Variants in PAG1 observed in about 807,000 individuals in gnomAD.
PAG1 encodes the protein phosphoprotein membrane anchor with glycosphingolipid microdomains 1, also known as phosphoprotein associated with glycosphingolipid-enriched microdomains 1.
A neutral mutation model predicts 31.7 loss-of-function variants in PAG1; 23 were observed. The ratio of observed to expected loss-of-function variants is 0.73; its 90% CI spans 0.52 to 1.03. The LOEUF is 1.03. Ranked by LOEUF, PAG1 falls within the 50% of genes least tolerant of loss-of-function variation. PAG1 has a pLI of 0.00. For missense variants in PAG1, 473 were observed against 540.7 expected (o/e 0.87, Z 1.24); for synonymous variants, 214 against 210.3 (o/e 1.02, Z -0.15).
chr8:81,051,772 A>G (rs144839331), intron 2 of PAG1, among the ~76,000 whole-genome samples: 218 of 152,296 alleles, frequency 1.4e-3, no homozygotes, highest in South Asian at 0.012. Flanking sequence ...GTCATGTGCC[A>G]TTTTCAGTTA....
chr8:81,005,353 C>A (rs1211445338), intron 3 of PAG1, among the ~76,000 whole-genome samples: 1 of 152,132 alleles, frequency 6.6e-6, no homozygotes, highest in African/African-American at 2.4e-5. Context: ...TCCCTCTCCT[C>A]CATTCTCCAA....
intron 1 of PAG1, among the ~76,000 whole-genome samples, chr8:81,107,894 G>A (rs1374845957): frequency 2.6e-5 from 4 of 152,158 alleles, no homozygotes; most frequent in Non-Finnish European, 5.9e-5. Flanking sequence ...AGGAGCTCTG[G>A]AACTATCAGC....
At chr8:81,023,563 C>T (rs1808223664) in intron 3 of PAG1, among the ~76,000 whole-genome samples, 1 of 151,302 alleles carries the variant, frequency 6.6e-6, no homozygotes, top group Non-Finnish European at 1.5e-5. Context: ...TTTCATTTGA[C>T]TCTGTTGTCA....
At chr8:81,100,488 T>A (rs1039526402) in intron 1 of PAG1, among the ~76,000 whole-genome samples, 39 of 152,210 alleles carry the variant, frequency 2.6e-4, no homozygotes, top group African/African-American at 8.4e-4. Flanking sequence ...TATAGCAGCA[T>A]CCCTGGCCTC....
At chr8:81,005,981 C>T (rs1807869634) in intron 3 of PAG1, among the ~76,000 whole-genome samples, 2 of 152,130 alleles carry the variant, frequency 1.3e-5, no homozygotes. Flanking sequence ...CTTGCTCTGT[C>T]GCCCAGGCTG....
chr8:80,992,156 G>A (rs368117938), intron 4 of PAG1, among the ~76,000 whole-genome samples: 2 of 148,980 alleles, frequency 1.3e-5, no homozygotes, highest in Non-Finnish European at 3.0e-5. Context: ...GAAGCAGGCC[G>A]TCCAGGCCCC....
intron 2 of PAG1, among the ~76,000 whole-genome samples, chr8:81,052,033 G>A (rs1198603908): frequency 2.6e-5 from 4 of 151,840 alleles, no homozygotes; most frequent in Non-Finnish European, 5.9e-5. Context: ...GGGAGGCTGA[G>A]GCAGGAGAAT....
chr8:81,059,542 C>G (rs1360797376), intron 2 of PAG1, among the ~76,000 whole-genome samples: 1 of 152,084 alleles, frequency 6.6e-6, no homozygotes, highest in Non-Finnish European at 1.5e-5. Flanking sequence ...TAGGTGCCAA[C>G]AGGATCTTGG....
At chr8:81,005,717 G>A (rs1807863646) in intron 3 of PAG1, among the ~76,000 whole-genome samples, 1 of 152,138 alleles carries the variant, frequency 6.6e-6, no homozygotes, top group South Asian at 2.1e-4. Context: ...CTGTATCAGA[G>A]CGCGTGTCCT....
intron 3 of PAG1, among the ~76,000 whole-genome samples, chr8:81,006,854 C>T (rs969264716): frequency 6.6e-6 from 1 of 152,096 alleles, no homozygotes. Flanking sequence ...TTTGGAGAGG[C>T]CTTAGAATAT....
At chr8:80,989,364 A>T (rs1280980205) in intron 5 of PAG1, among the ~76,000 whole-genome samples, 1 of 152,220 alleles carries the variant, frequency 6.6e-6, no homozygotes, top group Non-Finnish European at 1.5e-5. Context: ...TCACAGCTGA[A>T]GTTACCATAA....
At chr8:81,005,735 C>T (rs562497912) in intron 3 of PAG1, among the ~76,000 whole-genome samples, 1 of 152,150 alleles carries the variant, frequency 6.6e-6, no homozygotes. Flanking sequence ...CCTGCAGGTC[C>T]GTTCAGCACA....
At chr8:81,007,493 C>A in intron 3 of PAG1, among the ~76,000 whole-genome samples, 1 of 146,884 alleles carries the variant, frequency 6.8e-6, no homozygotes, top group Admixed American at 6.8e-5. Flanking sequence ...AAATAGTAGA[C>A]GGGTGTGGTG....
rs1268984231 is a variant in PAG1 at position 80,968,070 on chromosome 8, C to T, written c.*8474G>A. The T allele has an allele frequency of 6.6e-6, 1 of 152,164 alleles. No homozygotes were observed. Among genetic ancestry groups the T allele is most frequent in the East Asian group, 1.9e-4 (1 of 5,196 alleles). The allele number at this position is 152,164 out of a possible 1,614,324, so 9.4% of individuals were successfully genotyped here. On this transcript the variant is annotated 3_prime_UTR_variant, in exon 9 of 9. Coordinates refer to ENST00000220597, the MANE Select transcript of PAG1 (RefSeq NM_018440.4). ...CAGGTACCATTACTGGTTGAATGAT[C>T]AAGATCTGGCCACAGAAGAGAAGTG... is the stretch of plus-strand genomic sequence containing the variant.
intron 3 of PAG1, among the ~76,000 whole-genome samples, chr8:81,022,389 A>T (rs1225188984): frequency 1.3e-5 from 2 of 152,202 alleles, no homozygotes; most frequent in Admixed American, 6.5e-5. Flanking sequence ...AGTTAGTCTG[A>T]TAACAGTTGG....
At chr8:81,033,412 T>C (rs1437440854) in intron 2 of PAG1, among the ~76,000 whole-genome samples, 1 of 152,202 alleles carries the variant, frequency 6.6e-6, no homozygotes, top group Non-Finnish European at 1.5e-5. Flanking sequence ...GATAATTAGG[T>C]TATCAGGGTA....
At chr8:80,987,042 G>A (rs749654438) in intron 6 of PAG1, among the ~76,000 whole-genome samples, 1 of 152,120 alleles carries the variant, frequency 6.6e-6, no homozygotes. Context: ...AAATTGTGAG[G>A]AGTAATAATA....
At chr8:81,088,551 C>T (rs527284215) in intron 1 of PAG1, among the ~76,000 whole-genome samples, 9 of 152,108 alleles carry the variant, frequency 5.9e-5, no homozygotes, top group Non-Finnish European at 1.0e-4. Flanking sequence ...AGACAAACAG[C>T]AAAATGACTA....
rs149940525 is a variant in PAG1, at chr8:80,976,633, T to A, written c.1210A>T (p.Thr404Ser). 318 of 1,614,110 alleles carry A rather than the reference T, an allele frequency of 2.0e-4. 2 individuals carry two copies. In the African/African-American group the frequency reaches 2.7e-3, roughly 14 times the overall value. The part of the protein sequence containing the change: ...NREEEKATLG[T>S]NGHHGLVPKE... ...GGGACGAGACCGTGGTGGCCATTGGTCCCCAGGGTGGCCTTTTCTTCCTCT... is the reference window on the plus strand; with the variant it reads ...GGGACGAGACCGTGGTGGCCATTGGACCCCAGGGTGGCCTTTTCTTCCTCT... Residue 404 changes from threonine to serine, a missense_variant, in exon 9 of 9, where the codon ACC (threonine) becomes TCC (serine). By Grantham distance (58) the Thr-to-Ser change is moderately conservative (BLOSUM62 1). Coordinates refer to ENST00000220597, the MANE Select transcript of PAG1 (RefSeq NM_018440.4).
Sources: allele counts gnomAD v4.1 joint callset (sites outside exome capture counted in the v4.1 genomes callset), GRCh38; gene constraint gnomAD v4.1.1; transcripts MANE v1.5; gene names NCBI Gene and HGNC (gene_info 2026-07-23, HGNC 2026-07-21).